CFAP251: variants seen among roughly 807,000 people sequenced by gnomAD.
The protein encoded by CFAP251 is cilia and flagella associated protein 251.
A neutral mutation model predicts 126.7 loss-of-function variants in CFAP251; 93 were observed. The ratio of observed to expected loss-of-function variants is 0.73; its 90% CI spans 0.62 to 0.87. CFAP251 has a LOEUF of 0.87. Among genes scored for constraint, CFAP251 ranks in the 40% least tolerant of loss-of-function variants. The pLI is 0.00. For synonymous variants in CFAP251, 503 were observed against 506.9 expected (o/e 0.99, Z 0.10); for missense variants, 1,287 against 1,389.2 (o/e 0.93, Z 1.17).
chr12:122,001,646 T>C, intron 21 of CFAP251, 48 bp downstream of exon 21: 19 of 1,420,360 alleles, frequency 1.3e-5, no homozygotes, highest in Non-Finnish European at 1.9e-5. Context: ...CTCACTGATT[T>C]GTTGTAGACT....
chr12:121,925,362 TC>T (rs1266462477), intron 3 of CFAP251, among the ~76,000 whole-genome samples: 1 of 151,398 alleles, frequency 6.6e-6, no homozygotes, highest in African/African-American at 2.4e-5. Context: ...GATTCATCCT[TC>T]CTGTAGATTC....
intron 1 of CFAP251, among the ~76,000 whole-genome samples, chr12:121,919,637 C>T (rs1195424385): frequency 6.6e-6 from 1 of 152,080 alleles, no homozygotes; most frequent in Non-Finnish European, 1.5e-5. Flanking sequence ...AGAGCAAGTA[C>T]GTGGTGGAAA....
chr12:121,939,635 TTAA>T (rs1276171928), intron 5 of CFAP251, among the ~76,000 whole-genome samples: 1 of 152,172 alleles, frequency 6.6e-6, no homozygotes. Context: ...ATATCTGTGG[TTAA>T]TAATGCAAAT....
chr12:121,975,294 A>G lies in CFAP251; in HGVS notation c.2822A>G (p.Tyr941Cys), dbSNP rs765018783. 1 of 1,613,980 alleles carries G rather than the reference A, an allele frequency of 6.2e-7. No individual in the cohort carries two copies. Among genetic ancestry groups the G allele is most frequent in the South Asian group, 1.1e-5 (1 of 91,058 alleles). The change falls in exon 18 of 22, where the codon TAT (tyrosine) becomes TGT (cysteine). Residue 941 changes from tyrosine (Y) to cysteine (C), a missense_variant. Coordinates refer to ENST00000288912, the MANE Select transcript of CFAP251 (RefSeq NM_144668.6). Reference sequence around the variant, plus strand: ...GGGGGTGAAGACTTGACCCCATTCTATGGTCTGCTGTCTGGTGGCCGGGAA... The same window carrying G: ...GGGGGTGAAGACTTGACCCCATTCTGTGGTCTGCTGTCTGGTGGCCGGGAA... ...SLGGEDLTPF[Y>C]GLLSGGREGK... is the part of the protein sequence containing the mutation.
At chr12:121,943,579 C>T (rs1027759037) in intron 7 of CFAP251, among the ~76,000 whole-genome samples, 11 of 152,016 alleles carry the variant, frequency 7.2e-5, no homozygotes, top group African/African-American at 1.9e-4. Context: ...CGTGCCACCA[C>T]GCCTGGCTAA....
At chr12:121,969,519 T>A (rs2135794385) in intron 17 of CFAP251, 1 of 981,034 alleles carries the variant, frequency 1.0e-6, no homozygotes, top group African/African-American at 1.7e-5. Context: ...AGGGTCTGGC[T>A]CAGTCGCTCA....
chr12:121,988,724 G>A (rs1882807067), intron 19 of CFAP251, among the ~76,000 whole-genome samples: 1 of 150,578 alleles, frequency 6.6e-6, no homozygotes, highest in African/African-American at 2.4e-5. Flanking sequence ...TGTTGTTGTT[G>A]GATTTTTTTT....
At chr12:121,978,383 G>T (rs1882527520) in intron 19 of CFAP251, among the ~76,000 whole-genome samples, 1 of 29,984 alleles carries the variant, frequency 3.3e-5, no homozygotes, top group African/African-American at 1.3e-4. Context: ...GACAGAGCAA[G>T]ACTCTGTCTC....
intron 7 of CFAP251, among the ~76,000 whole-genome samples, chr12:121,944,190 G>A (rs1409680237): frequency 6.6e-6 from 1 of 152,196 alleles, no homozygotes. Flanking sequence ...GCCAGGCACT[G>A]TGGTAAGTAC....
chr12:121,921,802 T>TTG (rs1400669329), intron 2 of CFAP251, 119 bp downstream of exon 2: 1 of 1,223,442 alleles, frequency 8.2e-7, no homozygotes, highest in African/African-American at 1.6e-5. Flanking sequence ...CTTTTTTTTT[T>TTG]TTTTTGAGAC....
At chr12:121,986,464 A>AT (rs557484598) in intron 19 of CFAP251, among the ~76,000 whole-genome samples, 8,695 of 146,870 alleles carry the variant, frequency 0.059, 483 homozygotes, top group East Asian at 0.22. Context: ...CGCCTGGCTA[A>AT]TTTTTTTTTT....
chr12:121,971,741 G>C lies in CFAP251; in HGVS notation c.2772-3503G>C, dbSNP rs552685973. 1.1e-4 allele frequency: 70 copies of C among 640,880 alleles called. No individual in the cohort carries two copies. The South Asian group carries it at 1.2e-3, about 11-fold the overall frequency. 39.7% of individuals were successfully genotyped at this position (640,880 alleles called of 1,614,324 possible). A position where few individuals can be genotyped will look rare whatever the true frequency, so the allele number is the denominator to read the frequency against. ...TACAGGAGGAAAATAAAGGACTTTT[G>C]TCTCCAATCTTTGTGATATGGTTTG... On this transcript the variant is annotated intron_variant, in intron 17 of 21. Coordinates refer to ENST00000288912, the MANE Select transcript of CFAP251 (RefSeq NM_144668.6).
chr12:121,959,139 A>G, intron 13 of CFAP251, 45 bp downstream of exon 13: 2 of 1,531,560 alleles, frequency 1.3e-6, no homozygotes, highest in Non-Finnish European at 1.8e-6. Flanking sequence ...TAGCAATTTT[A>G]TTTGAAACCA....
At position 121,962,056 on chromosome 12, in the gene CFAP251, C is replaced by T. The variant is rs897760132; in HGVS notation, c.2386C>T (p.Pro796Ser). The change falls in exon 15 of 22, where the codon CCC (proline) becomes TCC (serine). Residue 796 changes from proline to serine, a missense_variant. Pro to Ser is a moderately conservative substitution (Grantham distance 74, BLOSUM62 -1). Transcript: ENST00000288912. ...DIHHTDQGCYPTCMVWYPPLT... is the reference protein window; with the variant it reads ...DIHHTDQGCYSTCMVWYPPLT... ...TCACCACACCGACCAGGGCTGCTATCCCACCTGCATGGTCTGGTACCCACC... is the reference window on the plus strand; with the variant it reads ...TCACCACACCGACCAGGGCTGCTATTCCACCTGCATGGTCTGGTACCCACC... 1 of 1,614,006 alleles carries T rather than the reference C, an allele frequency of 6.2e-7. No homozygotes were observed. Among genetic ancestry groups the T allele is most frequent in the Admixed American group, 1.7e-5 (1 of 60,032 alleles).
In CFAP251 at chr12:121,926,202, T is replaced by C. The variant is rs1367315501; in HGVS notation, c.747+2212T>C. Among the ~76,000 whole-genome samples, 7 of 152,172 alleles carry C rather than the reference T, an allele frequency of 4.6e-5. No homozygotes were observed. The East Asian group carries it at 1.4e-3, about 29-fold the overall frequency. On this transcript the variant is annotated intron_variant, in intron 3 of 21. Transcript: ENST00000288912. ...CAGAGCCCTGCTGTGTTGCCCAGGC[T>C]GGACTAGAACTCAATCCTCCCACTT...
intron 19 of CFAP251, among the ~76,000 whole-genome samples, chr12:121,981,604 T>C (rs12230823): frequency 0.11 from 17,147 of 152,218 alleles, 2,113 homozygotes; most frequent in African/African-American, 0.31. Context: ...AGGTGCCCCT[T>C]CCTCAGCCAG....
chr12:121,924,386 A>T (rs1163270096), intron 3 of CFAP251, among the ~76,000 whole-genome samples: 2 of 145,030 alleles, frequency 1.4e-5, no homozygotes, highest in Non-Finnish European at 3.0e-5. Flanking sequence ...AAGTGCTGGG[A>T]TTACAGGCGT....
chr12:121,954,657 A>AAAAAAC (rs1881660542), intron 10 of CFAP251, among the ~76,000 whole-genome samples: 2 of 144,894 alleles, frequency 1.4e-5, no homozygotes, highest in Non-Finnish European at 3.0e-5. Context: ...AAAAAAAAAA[A>AAAAAAC]AAAAAAAAAA....
rs1239667551 is a variant in CFAP251 at position 121,921,619 on chromosome 12, C to A, written c.314C>A (p.Ala105Glu). 6.2e-7 allele frequency: 1 copy of A among 1,613,916 alleles called. No homozygotes were observed. Among genetic ancestry groups the A allele is most frequent in the Non-Finnish European group, 8.5e-7 (1 of 1,179,984 alleles). Residue 105 changes from alanine (A) to glutamate (E), a missense_variant, in exon 2 of 22, where the codon GCG (alanine) becomes GAG (glutamate). Coordinates refer to ENST00000288912, the MANE Select transcript of CFAP251 (RefSeq NM_144668.6). The stretch of plus-strand genomic sequence containing the variant: ...ACAGTAGAGCCCCAAGAAGTCACAG[C>A]GTCCATGATCCGTTTGGAGACACAG... ...ETTVEPQEVT[A>E]SMIRLETQIT...
Sources: allele counts gnomAD v4.1 joint callset (sites outside exome capture counted in the v4.1 genomes callset), GRCh38; gene constraint gnomAD v4.1.1; transcripts MANE v1.5; gene names NCBI Gene and HGNC (gene_info 2026-07-23, HGNC 2026-07-21).